Variants in DCC observed in about 807,000 individuals in gnomAD.
DCC encodes the protein DCC netrin 1 receptor, also known as netrin receptor DCC.
A neutral mutation model predicts 172.5 loss-of-function variants in DCC; 58 were observed. The ratio of observed to expected loss-of-function variants is 0.34; its 90% CI spans 0.27 to 0.42. The LOEUF is 0.42. Ranked by LOEUF, DCC falls within the 10% of genes least tolerant of loss-of-function variation. DCC has a pLI of 1.00. For synonymous variants in DCC, 709 were observed against 644.5 expected (o/e 1.10, Z -1.52); for missense variants, 1,740 against 1,791.0 (o/e 0.97, Z 0.51).
At chr18:52,922,671 C>G (rs1286320669) in intron 3 of DCC, among the ~76,000 whole-genome samples, 2 of 152,120 alleles carry the variant, frequency 1.3e-5, no homozygotes, top group African/African-American at 4.8e-5. Context: ...CATCTTGTCT[C>G]AAATAAACTT....
At chr18:52,408,166 A>G (rs182652136) in intron 1 of DCC, among the ~76,000 whole-genome samples, 6 of 152,236 alleles carry the variant, frequency 3.9e-5, no homozygotes, top group African/African-American at 1.4e-4. Context: ...ACATATCCAA[A>G]TGCCATATAT....
chr18:52,802,643 CTTTTTTT>C (rs776080029), intron 2 of DCC, among the ~76,000 whole-genome samples: 17 of 38,194 alleles, frequency 4.5e-4, no homozygotes, highest in Non-Finnish European at 7.2e-4. Flanking sequence ...CACGCCAAGC[CTTTTTTT>C]TTTTTTTTTT....
intron 7 of DCC, among the ~76,000 whole-genome samples, chr18:53,089,006 A>C (rs1385026598): frequency 6.6e-6 from 1 of 152,182 alleles, no homozygotes; most frequent in Non-Finnish European, 1.5e-5. Context: ...ATATGACCAG[A>C]CATTCTTCAT....
At chr18:53,506,997 T>A (rs560806204) in intron 27 of DCC, among the ~76,000 whole-genome samples, 1 of 152,210 alleles carries the variant, frequency 6.6e-6, no homozygotes, top group African/African-American at 2.4e-5. Flanking sequence ...TGAAATCAGA[T>A]GGTCTTTCCT....
At chr18:52,389,762 G>A (rs1985956843) in intron 1 of DCC, among the ~76,000 whole-genome samples, 1 of 152,010 alleles carries the variant, frequency 6.6e-6, no homozygotes, top group Non-Finnish European at 1.5e-5. Context: ...GAAGCTGTGT[G>A]CACCTCCCTA....
chr18:53,023,284 G>A (rs1004693481), intron 5 of DCC, among the ~76,000 whole-genome samples: 5 of 148,312 alleles, frequency 3.4e-5, no homozygotes, highest in African/African-American at 7.5e-5. Flanking sequence ...TTTAGTAGTC[G>A]ACTGTTTCTA....
At position 53,412,892 on chromosome 18, in the gene DCC, A is replaced by G. The variant is rs191090263; in HGVS notation, c.3130+2246A>G. 7.2e-5 allele frequency among the ~76,000 whole-genome samples: 11 copies of G among 152,308 alleles called. No individual in the cohort carries two copies. In the East Asian group the frequency reaches 2.1e-3, roughly 29 times the overall value. On this transcript the variant is annotated intron_variant, in intron 20 of 28. Transcript: ENST00000442544. ...TATCTTACTGTAAACTTATGTAGGT[A>G]CACATATATGATGTATCTAATTCTT...
intron 1 of DCC, among the ~76,000 whole-genome samples, chr18:52,432,941 GCACT>G (rs1987673661): frequency 6.6e-6 from 1 of 152,108 alleles, no homozygotes; most frequent in South Asian, 2.1e-4. Flanking sequence ...GTTTCCCTCT[GCACT>G]CTAACATCTG....
At chr18:53,520,741 G>C (rs999138406) in intron 27 of DCC, among the ~76,000 whole-genome samples, 2 of 152,030 alleles carry the variant, frequency 1.3e-5, no homozygotes, top group Non-Finnish European at 2.9e-5. Context: ...TCCGACAAAG[G>C]ATGTTTTCAT....
At chr18:53,315,394 G>A (rs1046589411) in intron 13 of DCC, among the ~76,000 whole-genome samples, 3 of 152,106 alleles carry the variant, frequency 2.0e-5, no homozygotes, top group African/African-American at 7.2e-5. Flanking sequence ...CCAAGTCTTG[G>A]CTATTGTGAA....
chr18:53,163,078 C>T (rs1256074775), intron 8 of DCC, among the ~76,000 whole-genome samples: 1 of 152,196 alleles, frequency 6.6e-6, no homozygotes, highest in Non-Finnish European at 1.5e-5. Flanking sequence ...ACTGTTATGG[C>T]CTTGGCCACC....
chr18:53,404,709 C>T (rs566641189), intron 19 of DCC, among the ~76,000 whole-genome samples: 2 of 148,716 alleles, frequency 1.3e-5, no homozygotes, highest in East Asian at 3.9e-4. Flanking sequence ...CCAGCCTGGG[C>T]GACAGAGTAA....
intron 2 of DCC, among the ~76,000 whole-genome samples, chr18:52,775,834 T>C (rs2037421522): frequency 6.6e-6 from 1 of 152,190 alleles, no homozygotes; most frequent in Non-Finnish European, 1.5e-5. Context: ...AACATTTGGG[T>C]GTGAAAGTAG....
intron 1 of DCC, among the ~76,000 whole-genome samples, chr18:52,363,090 C>T (rs916287018): frequency 5.3e-5 from 8 of 152,092 alleles, no homozygotes; most frequent in African/African-American, 1.9e-4. Context: ...GTTGGCCAGG[C>T]TAGTATTGAA....
At chr18:52,566,719 G>A (rs940018056) in intron 1 of DCC, among the ~76,000 whole-genome samples, 16 of 152,082 alleles carry the variant, frequency 1.1e-4, no homozygotes, top group African/African-American at 3.6e-4. Flanking sequence ...CGAGACTGAA[G>A]AAGGCCTAAA....
At chr18:52,509,320 A>G (rs1369631585) in intron 1 of DCC, among the ~76,000 whole-genome samples, 2 of 152,212 alleles carry the variant, frequency 1.3e-5, no homozygotes, top group African/African-American at 4.8e-5. Flanking sequence ...TTTCAGTTAA[A>G]ATAGGTTAGT....
chr18:53,312,285 G>T (rs2057281253), intron 13 of DCC, among the ~76,000 whole-genome samples: 1 of 142,820 alleles, frequency 7.0e-6, no homozygotes, highest in African/African-American at 2.6e-5. Flanking sequence ...GGCTTGCAGT[G>T]AGCCGAGATT....
chr18:52,771,150 G>A (rs1041523951), intron 2 of DCC, among the ~76,000 whole-genome samples: 16 of 152,146 alleles, frequency 1.1e-4, no homozygotes, highest in African/African-American at 2.7e-4. Context: ...GCAAAGAGGC[G>A]CCCTGGGATG....
intron 2 of DCC, among the ~76,000 whole-genome samples, chr18:52,879,318 T>G (rs1440496893): frequency 6.6e-6 from 1 of 151,860 alleles, no homozygotes; most frequent in Non-Finnish European, 1.5e-5. Flanking sequence ...TTTTGTGCAG[T>G]TGATCACACA....
Sources: allele counts gnomAD v4.1 joint callset (sites outside exome capture counted in the v4.1 genomes callset), GRCh38; gene constraint gnomAD v4.1.1; transcripts MANE v1.5; gene names NCBI Gene and HGNC (gene_info 2026-07-23, HGNC 2026-07-21).